AR: variants seen among roughly 807,000 people sequenced by gnomAD.
AR encodes androgen receptor.
Under a neutral mutation model 53.9 loss-of-function variants are expected in AR, and 8 were observed. That is an observed-to-expected ratio of 0.15 (90% CI 0.09 to 0.27). The LOEUF (loss-of-function observed/expected upper bound fraction) is 0.27. Ranked by LOEUF, AR falls within the 10% of genes least tolerant of loss-of-function variation. The pLI, the probability that AR is intolerant of heterozygous loss-of-function variation, is 1.00. For synonymous variants in AR, 359 were observed against 316.4 expected (o/e 1.13, Z -1.43); for missense variants, 639 against 742.5 (o/e 0.86, Z 1.62).
intron 3 of AR, among the ~76,000 whole-genome samples, chrX:67,687,419 G>A (rs145897511): frequency 3.6e-4 from 40 of 112,153 alleles, no homozygotes; most frequent in African/African-American, 1.1e-3. Flanking sequence ...CTCAAGTAGC[G>A]TCCAGTACTC....
At chrX:67,664,372 G>GCTC (rs1160845655) in intron 2 of AR, among the ~76,000 whole-genome samples, 33 of 112,200 alleles carry the variant, frequency 2.9e-4, no homozygotes, top group Admixed American at 6.6e-4. Context: ...GGAGTTTGCT[G>GCTC]CAGGTCCACT....
intron 3 of AR, among the ~76,000 whole-genome samples, chrX:67,705,845 T>C (rs2076064439): frequency 8.9e-6 from 1 of 111,780 alleles, no homozygotes; most frequent in Non-Finnish European, 1.9e-5. Context: ...ATTGAGAGTT[T>C]TTAGCATGAA....
At chrX:67,601,979 G>A (rs1256332839) in intron 1 of AR, among the ~76,000 whole-genome samples, 1 of 111,611 alleles carries the variant, frequency 9.0e-6, no homozygotes, top group East Asian at 2.8e-4. Context: ...AGATTCCTGT[G>A]CTGATAGTCA....
intron 1 of AR, among the ~76,000 whole-genome samples, chrX:67,584,405 G>A (rs1922434993): frequency 8.9e-6 from 1 of 112,200 alleles, no homozygotes; most frequent in Admixed American, 9.4e-5. Context: ...TACTTCTGGA[G>A]ATAAGGTTGA....
intron 1 of AR, among the ~76,000 whole-genome samples, chrX:67,588,289 C>G (rs1015334336): frequency 8.9e-6 from 1 of 111,902 alleles, no homozygotes; most frequent in East Asian, 2.8e-4. Flanking sequence ...CTGCCCATGT[C>G]CCCACACTGT....
chrX:67,715,461 G>T (rs1602274971), intron 4 of AR, among the ~76,000 whole-genome samples: 2 of 111,027 alleles, frequency 1.8e-5, no homozygotes, highest in Non-Finnish European at 3.8e-5. Context: ...TAAAAGAAAA[G>T]AACAGGGAAA....
intron 2 of AR, among the ~76,000 whole-genome samples, chrX:67,672,746 T>C (rs2075873684): frequency 9.0e-6 from 1 of 111,616 alleles, no homozygotes; most frequent in South Asian, 3.7e-4. Context: ...TTTTGATTGG[T>C]TCATCTCATA....
At chrX:67,550,810 C>T (rs1929963872) in intron 1 of AR, among the ~76,000 whole-genome samples, 1 of 109,533 alleles carries the variant, frequency 9.1e-6, no homozygotes, top group African/African-American at 3.3e-5. Context: ...TATTCCACTC[C>T]TTTCATGTTT....
chrX:67,661,491 G>A (rs1287262613), intron 2 of AR, among the ~76,000 whole-genome samples: 2 of 111,558 alleles, frequency 1.8e-5, no homozygotes, highest in Non-Finnish European at 3.8e-5. Context: ...TTTGTCGTTG[G>A]TTCTGTTTAT....
Position 67,730,013 on chromosome X carries a change from A to G in AR, c.*6172A>G, listed in dbSNP as rs977305533. 2.9e-5 allele frequency: 5 copies of G among 173,111 alleles called. No homozygotes were observed. The highest frequency in any genetic ancestry group is 5.5e-5 in the Non-Finnish European group (5 of 91,170). The allele number at this position is 173,111 out of a possible 1,213,427, so 14.3% of individuals were successfully genotyped here. A position where few individuals can be genotyped will look rare whatever the true frequency, so the allele number is the denominator to read the frequency against. ...AAAAAAAAAATTAAAAAGTCCCCTCACAACCCAGTGACACCTTTCTGCTTT... is the reference window on the plus strand; with the variant it reads ...AAAAAAAAAATTAAAAAGTCCCCTCGCAACCCAGTGACACCTTTCTGCTTT... On this transcript the variant is annotated 3_prime_UTR_variant, in exon 8 of 8. Coordinates refer to ENST00000374690, the MANE Select transcript of AR (RefSeq NM_000044.6).
intron 1 of AR, among the ~76,000 whole-genome samples, chrX:67,622,950 T>G (rs1924447320): frequency 9.0e-6 from 1 of 111,603 alleles, no homozygotes; most frequent in South Asian, 3.7e-4. Flanking sequence ...CATCTTTATA[T>G]ATGCATCATT....
At chrX:67,584,918 A>G (rs1485300528) in intron 1 of AR, among the ~76,000 whole-genome samples, 1 of 111,475 alleles carries the variant, frequency 9.0e-6, no homozygotes, top group East Asian at 2.8e-4. Flanking sequence ...CCTCACTAGG[A>G]TCACTTCAGC....
intron 1 of AR, among the ~76,000 whole-genome samples, chrX:67,598,526 G>T (rs761207190): frequency 9.0e-6 from 1 of 110,736 alleles, no homozygotes; most frequent in African/African-American, 3.3e-5. Context: ...TGATCTGCCC[G>T]CCTTGGCCTC....
chrX:67,599,714 A>C (rs1923255820), intron 1 of AR, among the ~76,000 whole-genome samples: 1 of 112,084 alleles, frequency 8.9e-6, no homozygotes, highest in African/African-American at 3.2e-5. Context: ...CTACATGTAG[A>C]TTTTCTTTTT....
At chrX:67,624,140 C>T (rs746312372) in intron 1 of AR, among the ~76,000 whole-genome samples, 1 of 111,377 alleles carries the variant, frequency 9.0e-6, no homozygotes, top group Non-Finnish European at 1.9e-5. Flanking sequence ...AAAATCTGCC[C>T]TCATGATCCA....
At chrX:67,703,395 G>A (rs1391987548) in intron 3 of AR, among the ~76,000 whole-genome samples, 1 of 111,974 alleles carries the variant, frequency 8.9e-6, no homozygotes, top group Non-Finnish European at 1.9e-5. Flanking sequence ...TCTAAATTGT[G>A]TGTGTGAGCA....
At chrX:67,576,930 T>C (rs1922073574) in intron 1 of AR, among the ~76,000 whole-genome samples, 1 of 110,615 alleles carries the variant, frequency 9.0e-6, no homozygotes, top group Non-Finnish European at 1.9e-5. Context: ...ATAGTTTTAT[T>C]AATATAAAAT....
intron 2 of AR, among the ~76,000 whole-genome samples, chrX:67,669,884 G>T (rs755358040): frequency 2.8e-5 from 3 of 108,544 alleles, no homozygotes; most frequent in African/African-American, 3.3e-5. Context: ...GTTTCCATTT[G>T]CATGAAATAT....
At chrX:67,638,799 T>A (rs1925589944) in intron 1 of AR, among the ~76,000 whole-genome samples, 1 of 112,298 alleles carries the variant, frequency 8.9e-6, no homozygotes, top group Non-Finnish European at 1.9e-5. Flanking sequence ...TGATGATCGT[T>A]TCTTTTGCTG....
Sources: gnomAD v4.1 joint callset for allele counts (sites outside exome capture counted in the v4.1 genomes callset) on GRCh38, gnomAD v4.1.1 for gene constraint, MANE v1.5 for transcripts, NCBI Gene and HGNC (gene_info 2026-07-23, HGNC 2026-07-21) for gene names.